KCNQ1: variants seen among roughly 807,000 people sequenced by gnomAD.
The protein encoded by KCNQ1 is potassium voltage-gated channel subfamily Q member 1.
A neutral mutation model predicts 72.4 loss-of-function variants in KCNQ1; 49 were observed. The ratio of observed to expected loss-of-function variants is 0.68; its 90% CI spans 0.54 to 0.86. KCNQ1 has a LOEUF of 0.86. KCNQ1 is among the 40% of genes least tolerant of loss of function. The probability of loss-of-function intolerance (pLI) is 0.00; values close to 1 mark genes in which losing one functional copy is unlikely to be tolerated. For synonymous variants in KCNQ1, 450 were observed against 412.6 expected (o/e 1.09, Z -1.10); for missense variants, 790 against 945.1 (o/e 0.84, Z 2.15).
In KCNQ1 at chr11:2,492,274, C is replaced by T. The variant is rs179394; in HGVS notation, c.387-35654C>T. Among the ~76,000 whole-genome samples, 26,737 of 152,006 alleles carry T rather than the reference C, an allele frequency of 0.18. 2,531 individuals carry two copies. The highest frequency in any genetic ancestry group is 0.25 in the African/African-American group (10,341 of 41,428). ...TAAATAATGACTACAACAACTTTTG[C>T]GGTACAATAGGCAGTACAATAAGAT... On this transcript the variant is annotated intron_variant, in intron 1 of 15. Transcript: ENST00000155840. The surrounding 1 kb of genome is among the most constrained non-coding windows in gnomAD (Gnocchi z 4.1).
chr11:2,632,634 T>G (rs1258008049), intron 10 of KCNQ1: 1 of 398,290 alleles, frequency 2.5e-6, no homozygotes. Context: ...ATTAGCATAT[T>G]CATCAACTCA....
rs34286049 is a variant in KCNQ1, at chr11:2,767,188, T to TGTGTGTGTGTA, written c.1515-1656_1515-1655insGTGTGTGTGTA. On this transcript the variant is annotated intron_variant, in intron 11 of 15. Transcript: ENST00000155840. The surrounding 1 kb of genome is among the most constrained non-coding windows in gnomAD (Gnocchi z 4.6). ...TCTATATGTGTGTGTGTGTGTGTAT[T>TGTGTGTGTGTA]TTTTTTTTTCTTTGCTTAGCTAGGA... Among the ~76,000 whole-genome samples the TGTGTGTGTGTA allele has an allele frequency of 7.2e-6, 1 of 139,354 alleles. No homozygotes were observed. The allele number at this position is 139,354 out of a possible 152,430, so 91.4% of individuals were successfully genotyped here.
At chr11:2,641,033 T>C in intron 10 of KCNQ1, 1 of 398,558 alleles carries the variant, frequency 2.5e-6, no homozygotes, top group Non-Finnish European at 4.4e-6. Flanking sequence ...CCATTGTATA[T>C]ATTTACCTCA....
Position 2,654,597 on chromosome 11 carries a change from G to C in KCNQ1, c.1394-7364G>C, listed in dbSNP as rs1849809499. The C allele has an allele frequency of 2.5e-6, 1 of 398,710 alleles. No individual in the cohort carries two copies. The highest frequency in any genetic ancestry group is 4.4e-6 in the Non-Finnish European group (1 of 226,240). The allele number at this position is 398,710 out of a possible 1,614,324, so 24.7% of individuals were successfully genotyped here. A position where few individuals can be genotyped will look rare whatever the true frequency, so the allele number is the denominator to read the frequency against. On this transcript the variant is annotated intron_variant, in intron 10 of 15. Coordinates refer to ENST00000155840, the MANE Select transcript of KCNQ1 (RefSeq NM_000218.3). This position sits in a 1 kb window ranked among gnomAD's most constrained non-coding sequence, Gnocchi z 6.4. The stretch of plus-strand genomic sequence containing the variant: ...TCAGGAGGGGAAGGGCAGGGGGTGA[G>C]TGGTTGGGTGAAGTTACTAGGAAGG...
At chr11:2,487,626 A>G (rs1846762876) in intron 1 of KCNQ1, among the ~76,000 whole-genome samples, 1 of 152,212 alleles carries the variant, frequency 6.6e-6, no homozygotes, top group South Asian at 2.1e-4. Context: ...ACTTGATGCT[A>G]TTATAAATTA....
At chr11:2,576,586 C>T (rs951852261) in intron 6 of KCNQ1, among the ~76,000 whole-genome samples, 1 of 152,254 alleles carries the variant, frequency 6.6e-6, no homozygotes, top group African/African-American at 2.4e-5. Context: ...CCCATTCCTA[C>T]ATTTCAGCCG....
intron 2 of KCNQ1, among the ~76,000 whole-genome samples, chr11:2,530,257 A>T (rs1847596383): frequency 6.6e-6 from 1 of 152,202 alleles, no homozygotes; most frequent in African/African-American, 2.4e-5. Context: ...TGGCTCTCAG[A>T]TGAGCACCCA....
In KCNQ1 at chr11:2,564,947, G is replaced by T. The variant is rs993641127; in HGVS notation, c.478-5681G>T. Reference sequence around the variant, plus strand: ...CCTTTTTAAGGCCAAATCCTATTCCGTGGTAGGGAGGGACCACATCTTCCG... The same window carrying T: ...CCTTTTTAAGGCCAAATCCTATTCCTTGGTAGGGAGGGACCACATCTTCCG... On this transcript the variant is annotated intron_variant, in intron 2 of 15. Coordinates refer to ENST00000155840, the MANE Select transcript of KCNQ1 (RefSeq NM_000218.3). The surrounding 1 kb of genome is among the most constrained non-coding windows in gnomAD (Gnocchi z 4.5). 6.6e-6 allele frequency among the ~76,000 whole-genome samples: 1 copy of T among 152,308 alleles called. No homozygotes were observed. The highest frequency in any genetic ancestry group is 2.1e-4 in the South Asian group (1 of 4,828).
intron 10 of KCNQ1, chr11:2,635,665 G>T (rs1185200126): frequency 1.3e-5 from 2 of 152,130 alleles, no homozygotes. Context: ...GGCAATGCGG[G>T]CTCTTTTTTG....
intron 11 of KCNQ1, chr11:2,696,421 C>T (rs1850677436): frequency 2.5e-6 from 1 of 398,692 alleles, no homozygotes; most frequent in Non-Finnish European, 4.4e-6. Flanking sequence ...CTTGGAGTTA[C>T]CTCTGAGCTC....
chr11:2,700,883 A>G (rs182385162), intron 11 of KCNQ1, among the ~76,000 whole-genome samples: 30 of 152,278 alleles, frequency 2.0e-4, no homozygotes, highest in African/African-American at 7.0e-4. Context: ...GCATTGCCAT[A>G]AACTCCGGGG....
chr11:2,764,765 T>TA lies in KCNQ1; in HGVS notation c.1515-4078dup, dbSNP rs2133977389. 1.3e-5 allele frequency among the ~76,000 whole-genome samples: 2 copies of TA among 152,326 alleles called. No homozygotes were observed. Among genetic ancestry groups the TA allele is most frequent in the East Asian group, 3.9e-4 (2 of 5,188 alleles). ...GTGTTTTTAAATAATTTGTATATTT[T>TA]ATCTAAATCATCAAAAGTATTTTTG... On this transcript the variant is annotated intron_variant, in intron 11 of 15. Transcript: ENST00000155840. This position sits in a 1 kb window ranked among gnomAD's most constrained non-coding sequence, Gnocchi z 4.8.
Position 2,462,002 on chromosome 11 carries a change from GTCCC to G in KCNQ1, c.386+16519_386+16522del, listed in dbSNP as rs202218721. On this transcript the variant is annotated intron_variant, in intron 1 of 15. Transcript: ENST00000155840. This position sits in a 1 kb window ranked among gnomAD's most constrained non-coding sequence, Gnocchi z 8.2. ...GGTGAGTGTGGACTCAGCCAGCCTA[GTCCC>G]AATACAGCTGGGATGCATTGCTGCT... 0.033 allele frequency: 11,514 copies of G among 353,312 alleles called. 265 individuals carry two copies. The highest frequency in any genetic ancestry group is 0.049 in the South Asian group (2,298 of 47,208). The allele number at this position is 353,312 out of a possible 1,614,324, so 21.9% of individuals were successfully genotyped here.
chr11:2,805,411 G>A (rs956932618), intron 15 of KCNQ1, among the ~76,000 whole-genome samples: 5 of 152,236 alleles, frequency 3.3e-5, no homozygotes, highest in African/African-American at 7.2e-5. Context: ...CACTCGCCCC[G>A]CAGTAGGAAA....
At chr11:2,777,696 C>T (rs1447237086) in intron 14 of KCNQ1, 1 of 601,658 alleles carries the variant, frequency 1.7e-6, no homozygotes, top group South Asian at 2.0e-5. Context: ...GCACAGCTGG[C>T]AGTGTGGCCA....
chr11:2,449,267 T>C (rs1846087610), intron 1 of KCNQ1, among the ~76,000 whole-genome samples: 1 of 152,222 alleles, frequency 6.6e-6, no homozygotes, highest in South Asian at 2.1e-4. Flanking sequence ...GTGGGCATGG[T>C]GCCCGCAGCT....
Position 2,683,142 on chromosome 11 carries a change from G to C in KCNQ1, c.1514+21061G>C, listed in dbSNP as rs958282615. ...ACCAACTCAGGAGGGTGTGGGGATG[G>C]GCTAGCATTAGGAATGGGTATTAGC... On this transcript the variant is annotated intron_variant, in intron 11 of 15. Coordinates refer to ENST00000155840, the MANE Select transcript of KCNQ1 (RefSeq NM_000218.3). The surrounding 1 kb of genome is among the most constrained non-coding windows in gnomAD (Gnocchi z 4.7). 1 of 398,628 alleles carries C rather than the reference G, an allele frequency of 2.5e-6. No individual in the cohort carries two copies. The highest frequency in any genetic ancestry group is 4.4e-6 in the Non-Finnish European group (1 of 226,090). 24.7% of individuals were successfully genotyped at this position (398,628 alleles called of 1,614,324 possible). A position where few individuals can be genotyped will look rare whatever the true frequency, so the allele number is the denominator to read the frequency against.
At chr11:2,749,195 C>T (rs1382844109) in intron 11 of KCNQ1, among the ~76,000 whole-genome samples, 5 of 152,164 alleles carry the variant, frequency 3.3e-5, no homozygotes, top group Non-Finnish European at 5.9e-5. Context: ...GCCAGCACCC[C>T]AGTAGGGAGG....
At chr11:2,590,386 G>C (rs976646037) in intron 10 of KCNQ1, among the ~76,000 whole-genome samples, 1 of 152,220 alleles carries the variant, frequency 6.6e-6, no homozygotes, top group South Asian at 2.1e-4. Flanking sequence ...GCAAATGTTC[G>C]CAGAAGCCCC....
Sources: gnomAD v4.1 joint callset for allele counts (sites outside exome capture counted in the v4.1 genomes callset) on GRCh38, gnomAD v4.1.1 for gene constraint, Gnocchi (gnomAD v3.1) non-coding constraint, MANE v1.5 for transcripts, NCBI Gene and HGNC (gene_info 2026-07-23, HGNC 2026-07-21) for gene names.